ANKRD12: variants seen among roughly 807,000 people sequenced by gnomAD.
The protein encoded by ANKRD12 is ankyrin repeat domain 12, also known as ankyrin repeat domain-containing protein 12.
ANKRD12 carries 85 observed loss-of-function variants against 183.4 expected under a neutral mutation model. The ratio of observed to expected loss-of-function variants is 0.46; its 90% confidence interval spans 0.39 to 0.56. The LOEUF (loss-of-function observed/expected upper bound fraction) is 0.56, where lower values mean the gene tolerates loss of function less well. ANKRD12 is among the 20% of genes least tolerant of loss of function. ANKRD12 has a pLI of 0.00. For missense variants in ANKRD12, 2,405 were observed against 2,357.1 expected, an observed-to-expected ratio of 1.02 and a Z score of -0.42; for synonymous variants, 914 against 800.2, an observed-to-expected ratio of 1.14 and a Z score of -2.40.
intron 8 of ANKRD12, among the ~76,000 whole-genome samples, chr18:9,250,687 A>T (rs543709205): frequency 9.8e-5 from 15 of 152,318 alleles, no homozygotes; most frequent in African/African-American, 2.9e-4. Flanking sequence ...ACTGCATTCC[A>T]GCCTGGGCAA....
At chr18:9,225,972 T>C (rs1189346179) in intron 8 of ANKRD12, among the ~76,000 whole-genome samples, 1 of 152,008 alleles carries the variant, frequency 6.6e-6, no homozygotes, top group African/African-American at 2.4e-5. Context: ...TTTTATAAGT[T>C]GAAGACATTC....
At chr18:9,198,866 G>A (rs1160203360) in intron 3 of ANKRD12, among the ~76,000 whole-genome samples, 3 of 152,026 alleles carry the variant, frequency 2.0e-5, no homozygotes, top group Non-Finnish European at 2.9e-5. Flanking sequence ...ACTGATGAGA[G>A]CATTTATCTT....
intron 2 of ANKRD12, among the ~76,000 whole-genome samples, chr18:9,190,412 A>G (rs1292647295): frequency 6.6e-6 from 1 of 152,242 alleles, no homozygotes; most frequent in Admixed American, 6.5e-5. Flanking sequence ...ACTCTTGGTG[A>G]AGATGCTAGA....
intron 1 of ANKRD12, among the ~76,000 whole-genome samples, chr18:9,164,372 A>G (rs1003921217): frequency 9.2e-5 from 14 of 152,112 alleles, no homozygotes; most frequent in Admixed American, 7.9e-4. Flanking sequence ...GGTGAAACCA[A>G]CTTGATTTTT....
chr18:9,152,748 A>G lies in ANKRD12; in HGVS notation c.-52+15783A>G, dbSNP rs146549971. On this transcript the variant is annotated intron_variant, in intron 1 of 12. Coordinates refer to ENST00000262126, the MANE Select transcript of ANKRD12 (RefSeq NM_015208.5). ...TTGATTTATTGAGACCTATATTTCT[A>G]TTCATTTTCTACAGTTTTTTAATTT... 3.5e-4 allele frequency among the ~76,000 whole-genome samples: 53 copies of G among 151,912 alleles called. 1 individual carries two copies. In the East Asian group the frequency reaches 7.5e-3, roughly 22 times the overall value.
chr18:9,156,137 C>CAAAAAAA (rs34154495), intron 1 of ANKRD12, among the ~76,000 whole-genome samples: 3 of 104,082 alleles, frequency 2.9e-5, no homozygotes, highest in East Asian at 2.7e-4. Context: ...GACTCTGTCT[C>CAAAAAAA]AAAAAAAAAA....
intron 5 of ANKRD12, among the ~76,000 whole-genome samples, chr18:9,209,673 C>T (rs2035677449): frequency 6.6e-6 from 1 of 152,186 alleles, no homozygotes; most frequent in South Asian, 2.1e-4. Flanking sequence ...TTACTCACTC[C>T]TACCTTTTCC....
At chr18:9,269,665 C>A (rs1041195510) in intron 10 of ANKRD12, among the ~76,000 whole-genome samples, 24 of 152,184 alleles carry the variant, frequency 1.6e-4, no homozygotes, top group Non-Finnish European at 2.9e-4. Flanking sequence ...ACCATAAACA[C>A]CCTAGAAGAA....
At chr18:9,274,925 G>A (rs1407730460) in intron 10 of ANKRD12, among the ~76,000 whole-genome samples, 2 of 152,142 alleles carry the variant, frequency 1.3e-5, no homozygotes, top group Admixed American at 1.3e-4. Context: ...GGTTACACCT[G>A]TAATCCCAGC....
At chr18:9,198,058 G>T (rs1364952780) in intron 3 of ANKRD12, among the ~76,000 whole-genome samples, 2 of 152,052 alleles carry the variant, frequency 1.3e-5, no homozygotes, top group Non-Finnish European at 2.9e-5. Flanking sequence ...GTAGAATTCA[G>T]TACCATTAAG....
At chr18:9,212,577 T>C (rs1340536315) in intron 6 of ANKRD12, among the ~76,000 whole-genome samples, 1 of 151,880 alleles carries the variant, frequency 6.6e-6, no homozygotes, top group Non-Finnish European at 1.5e-5. Flanking sequence ...CTGTAGTAAA[T>C]ACCTATATAG....
At chr18:9,237,523 A>T (rs2037414354) in intron 8 of ANKRD12, among the ~76,000 whole-genome samples, 1 of 152,196 alleles carries the variant, frequency 6.6e-6, no homozygotes, top group African/African-American at 2.4e-5. Flanking sequence ...TGATTAAATC[A>T]ATGTATAGCC....
At chr18:9,231,255 C>T (rs1432097211) in intron 8 of ANKRD12, among the ~76,000 whole-genome samples, 1 of 152,112 alleles carries the variant, frequency 6.6e-6, no homozygotes, top group Non-Finnish European at 1.5e-5. Context: ...CTGAAAGTGT[C>T]TGTTAGGTCC....
rs1283500446 is a variant in ANKRD12 at position 9,258,298 on chromosome 18, G to A, written c.5031G>A (p.Lys1677=). 6.2e-7 allele frequency: 1 copy of A among 1,613,714 alleles called. No individual in the cohort carries two copies. The change falls in exon 9 of 13, where the codon AAG becomes AAA. Residue 1677 remains lysine (K), a synonymous_variant. Coordinates refer to ENST00000262126, the MANE Select transcript of ANKRD12 (RefSeq NM_015208.5). ...CAAAACATTGTCCTGAAAGTGAAAA[G>A]TGTTTGCTTTCCATAGAAGATGAGG... The part of the protein sequence containing the change: ...QDPKHCPESE[K]CLLSIEDEES...
chr18:9,221,059 C>G (rs1458669725), intron 7 of ANKRD12, among the ~76,000 whole-genome samples: 1 of 151,984 alleles, frequency 6.6e-6, no homozygotes, highest in Non-Finnish European at 1.5e-5. Flanking sequence ...TTGTTTTGTC[C>G]GTGTTTCATT....
chr18:9,196,904 A>G (rs1451001366), intron 3 of ANKRD12, among the ~76,000 whole-genome samples: 2 of 151,990 alleles, frequency 1.3e-5, no homozygotes, highest in Non-Finnish European at 2.9e-5. Context: ...TGGATCGCTT[A>G]CCTGAGAAGA....
rs756301437 is a variant in ANKRD12 at position 9,256,120 on chromosome 18, TAAAG to T, written c.2857_2860del (p.Glu953LysfsTer5). The T allele has an allele frequency of 1.6e-5, 25 of 1,545,122 alleles. No homozygotes were observed. Among genetic ancestry groups the T allele is most frequent in the South Asian group, 2.5e-5 (2 of 79,490 alleles). ...ACAGTAAATCAGAAAAAGGCAAAAATAAAGAAAAAGACAGGGAGCTAGATAAAAA... is the reference window on the plus strand; with the variant it reads ...ACAGTAAATCAGAAAAAGGCAAAAATAAAAAGACAGGGAGCTAGATAAAAA... On this transcript the variant is annotated frameshift_variant, in exon 9 of 13. Coordinates refer to ENST00000262126, the MANE Select transcript of ANKRD12 (RefSeq NM_015208.5). LOFTEE classifies it high-confidence loss of function.
intron 3 of ANKRD12, among the ~76,000 whole-genome samples, chr18:9,196,268 A>G (rs1401977936): frequency 8.8e-6 from 1 of 113,806 alleles, no homozygotes; most frequent in East Asian, 2.7e-4. Context: ...TTTGTTTCCC[A>G]AAACTCCTAT....
At chr18:9,180,650 CA>C (rs762673586) in intron 1 of ANKRD12, among the ~76,000 whole-genome samples, 8 of 152,042 alleles carry the variant, frequency 5.3e-5, no homozygotes, top group Non-Finnish European at 1.0e-4. Flanking sequence ...ATCTTGCACC[CA>C]GAAGCTAACT....
Sources: allele counts gnomAD v4.1 joint callset (sites outside exome capture counted in the v4.1 genomes callset), GRCh38; gene constraint gnomAD v4.1.1; transcripts MANE v1.5; gene names NCBI Gene and HGNC (gene_info 2026-07-23, HGNC 2026-07-21).